The following LAMB4 variants were observed in gnomAD, a reference collection of about 807,000 sequenced individuals.
The protein encoded by LAMB4 is laminin subunit beta 4, also known as laminin subunit beta-4.
Under a neutral mutation model 199.2 loss-of-function variants are expected in LAMB4, and 196 were observed. The observed-to-expected ratio is 0.98, with a 90% CI of 0.88 to 1.11. The LOEUF (loss-of-function observed/expected upper bound fraction) is 1.11. Ranked by LOEUF, LAMB4 falls within the 50% of genes least tolerant of loss-of-function variation. The pLI, the probability that LAMB4 is intolerant of heterozygous loss-of-function variation, is 0.00. For missense variants in LAMB4, 2,080 were observed against 2,171.2 expected, an observed-to-expected ratio of 0.96 and a Z score of 0.83; for synonymous variants, 744 against 770.6, an observed-to-expected ratio of 0.97 and a Z score of 0.57.
chr7:108,114,774 G>T (rs1464618884), intron 3 of LAMB4, among the ~76,000 whole-genome samples: 1 of 152,120 alleles, frequency 6.6e-6, no homozygotes, highest in Non-Finnish European at 1.5e-5. Flanking sequence ...CTCATTTATG[G>T]GGTGGACGTG....
chr7:108,106,516 G>T lies in LAMB4; in HGVS notation c.648C>A (p.Tyr216Ter). The T allele has an allele frequency of 6.4e-7, 1 of 1,571,726 alleles. No individual in the cohort carries two copies. The highest frequency in any genetic ancestry group is 8.7e-7 in the Non-Finnish European group (1 of 1,147,338). ...SFEIENPYSP[Y>*]IQDLVTLTNL... The stretch of plus-strand genomic sequence containing the variant: ...ATATAAAGGAATTCATACCTTGGAT[G>T]TAGGGGCTATAAGGGTTTTCAATTT... Residue 216 changes from tyrosine (Y) to a stop codon, truncating the protein, a stop_gained, in exon 7 of 34, where the codon TAC (tyrosine) becomes TAA (stop). Transcript: ENST00000388781. LOFTEE classifies it high-confidence loss of function.
In LAMB4 at chr7:108,055,819, A is replaced by G; in HGVS notation, c.3568T>C (p.Ser1190Pro). Residue 1190 changes from serine (S) to proline (P), a missense_variant, in exon 25 of 34, where the codon TCC becomes CCC. Ser to Pro is a moderately conservative substitution (Grantham distance 74, BLOSUM62 -1). Coordinates refer to ENST00000388781, the MANE Select transcript of LAMB4 (RefSeq NM_007356.3). ...DQWDHTISSLSKAVQGLMRLA... is the reference protein window; with the variant it reads ...DQWDHTISSLPKAVQGLMRLA... The stretch of plus-strand genomic sequence containing the variant: ...CTCATTAACCCTTGCACCGCTTTGG[A>G]GAGGGAAGAAATGGTGTGGTCCCAC... 1.2e-6 allele frequency: 2 copies of G among 1,614,060 alleles called. No homozygotes were observed. The highest frequency in any genetic ancestry group is 1.7e-6 in the Non-Finnish European group (2 of 1,180,010).
In LAMB4 at chr7:108,047,988, T is replaced by C; in HGVS notation, c.4246A>G (p.Thr1416Ala). Residue 1416 changes from threonine to alanine, a missense_variant, in exon 28 of 34, where the codon ACG becomes GCG. By Grantham distance (58) the Thr-to-Ala change is moderately conservative. Transcript: ENST00000388781. ...PGCHGSLTLS[T>A]NALQKAQEAK... Reference sequence around the variant, plus strand: ...TCCTGGGCTTTTTGGAGGGCATTCGTTGAGAGGGTCAGGGAGCCGTGACAG... The same window carrying C: ...TCCTGGGCTTTTTGGAGGGCATTCGCTGAGAGGGTCAGGGAGCCGTGACAG... The C allele has an allele frequency of 6.2e-7, 1 of 1,614,196 alleles. No individual in the cohort carries two copies.
chr7:108,102,903 G>T, intron 10 of LAMB4, 141 bp downstream of exon 10: 1 of 546,154 alleles, frequency 1.8e-6, no homozygotes, highest in East Asian at 3.0e-5. Context: ...TTAAAGCTGA[G>T]GTATTTTTGC....
At chr7:108,086,567 G>A (rs913197637) in intron 14 of LAMB4, among the ~76,000 whole-genome samples, 2 of 152,118 alleles carry the variant, frequency 1.3e-5, no homozygotes, top group East Asian at 3.9e-4. Flanking sequence ...GGCATGGCCC[G>A]CAATTTGAAA....
chr7:108,101,129 T>C (rs148496415), intron 10 of LAMB4, among the ~76,000 whole-genome samples: 1 of 152,316 alleles, frequency 6.6e-6, no homozygotes, highest in Non-Finnish European at 1.5e-5. Context: ...CACTTTAGCA[T>C]TATATGGATA....
chr7:108,036,420 G>A (rs187814539), intron 30 of LAMB4, among the ~76,000 whole-genome samples: 7 of 152,082 alleles, frequency 4.6e-5, no homozygotes, highest in Non-Finnish European at 7.4e-5. Context: ...ATTCCTGACC[G>A]CAGGTGATCT....
At chr7:108,074,883 T>C (rs1436370575) in intron 17 of LAMB4, among the ~76,000 whole-genome samples, 2 of 152,200 alleles carry the variant, frequency 1.3e-5, no homozygotes, top group African/African-American at 4.8e-5. Flanking sequence ...TGAATGCCTT[T>C]AGTACAGCGT....
At chr7:108,117,246 G>A (rs1057336905) in intron 2 of LAMB4, among the ~76,000 whole-genome samples, 1 of 152,074 alleles carries the variant, frequency 6.6e-6, no homozygotes, top group Non-Finnish European at 1.5e-5. Flanking sequence ...GAACTATCAA[G>A]TTAGATAAAG....
chr7:108,085,680 C>G (rs1430780530), intron 14 of LAMB4, among the ~76,000 whole-genome samples: 2 of 152,022 alleles, frequency 1.3e-5, no homozygotes, highest in Non-Finnish European at 2.9e-5. Flanking sequence ...GTGGCACAAT[C>G]TTGGCTCACT....
chr7:108,106,318 C>T (rs1365052078), intron 7 of LAMB4, among the ~76,000 whole-genome samples, 191 bp downstream of exon 7: 3 of 151,412 alleles, frequency 2.0e-5, no homozygotes, highest in Admixed American at 6.6e-5. Flanking sequence ...CTTGGGAGGC[C>T]GAGGAACAAG....
intron 5 of LAMB4, among the ~76,000 whole-genome samples, 196 bp downstream of exon 5, chr7:108,108,975 A>T (rs183844016): frequency 6.6e-6 from 1 of 152,150 alleles, no homozygotes; most frequent in African/African-American, 2.4e-5. Context: ...TAAAAAAATC[A>T]TATAGTCATG....
intron 6 of LAMB4, 37 bp from the exon 7 acceptor site, chr7:108,106,609 C>A (rs1165979553): frequency 2.6e-6 from 3 of 1,153,236 alleles, no homozygotes; most frequent in Non-Finnish European, 3.8e-6. Context: ...TAGTATATTA[C>A]CTGAAAACGT....
At position 108,107,858 on chromosome 7, in the gene LAMB4, G is replaced by A. The variant is rs186399893; in HGVS notation, c.403-39C>T. ...GTAAAAGTTGGCACATTTCACAAAG[G>A]CAGATTTTATTATCAACTTCAGATT... On this transcript the variant is annotated intron_variant, in intron 5 of 33. Coordinates refer to ENST00000388781, the MANE Select transcript of LAMB4 (RefSeq NM_007356.3). 432 of 1,407,008 alleles carry A rather than the reference G, an allele frequency of 3.1e-4. 3 individuals carry two copies. The African/African-American group carries it at 5.8e-3, about 19-fold the overall frequency. 87.2% of individuals were successfully genotyped at this position (1,407,008 alleles called of 1,614,324 possible).
intron 15 of LAMB4, among the ~76,000 whole-genome samples, chr7:108,079,010 G>A (rs937235976): frequency 6.6e-6 from 1 of 152,202 alleles, no homozygotes; most frequent in African/African-American, 2.4e-5. Context: ...TATCAAACAT[G>A]TTTCAAAGGA....
chr7:108,082,929 A>G (rs1160512740), intron 14 of LAMB4, among the ~76,000 whole-genome samples: 1 of 152,224 alleles, frequency 6.6e-6, no homozygotes, highest in South Asian at 2.1e-4. Context: ...ACGGAAGTCA[A>G]TTACCACAAA....
intron 33 of LAMB4, among the ~76,000 whole-genome samples, chr7:108,025,374 CTTTCT>C (rs764097935): frequency 5.4e-5 from 7 of 130,814 alleles, no homozygotes; most frequent in South Asian, 2.2e-4. Context: ...TTCTTTCTTT[CTTTCT>C]TTTCTTTTCT....
intron 4 of LAMB4, among the ~76,000 whole-genome samples, chr7:108,110,763 G>C (rs2038194893): frequency 6.6e-6 from 1 of 152,150 alleles, no homozygotes; most frequent in Non-Finnish European, 1.5e-5. Flanking sequence ...CAGGAGGACA[G>C]GTGGCTGTGG....
intron 20 of LAMB4, 59 bp from the exon 21 acceptor site, chr7:108,065,978 A>G: frequency 1.3e-6 from 2 of 1,518,722 alleles, no homozygotes; most frequent in East Asian, 2.3e-5. Context: ...ATGTTAGCCA[A>G]TGACGGTTTG....
Sources: gnomAD v4.1 joint callset for allele counts (sites outside exome capture counted in the v4.1 genomes callset) on GRCh38, gnomAD v4.1.1 for gene constraint, MANE v1.5 for transcripts, NCBI Gene and HGNC (gene_info 2026-07-23, HGNC 2026-07-21) for gene names.